SYN2: variants seen among roughly 807,000 people sequenced by gnomAD.
SYN2 encodes the protein synapsin-2.
Under a neutral mutation model 50.9 loss-of-function variants are expected in SYN2, and 19 were observed. The ratio of observed to expected loss-of-function variants is 0.37; its 90% CI spans 0.26 to 0.55. The LOEUF (loss-of-function observed/expected upper bound fraction) is 0.55, where lower values mean the gene tolerates loss of function less well. Ranked by LOEUF, SYN2 falls within the 20% of genes least tolerant of loss-of-function variation. The pLI is 0.81. For missense variants in SYN2, 587 were observed against 576.4 expected (o/e 1.02, Z -0.19); for synonymous variants, 255 against 224.9 (o/e 1.13, Z -1.20).
At chr3:12,113,897 T>C (rs1696376653) in intron 1 of SYN2, among the ~76,000 whole-genome samples, 1 of 152,296 alleles carries the variant, frequency 6.6e-6, no homozygotes, top group Non-Finnish European at 1.5e-5. Flanking sequence ...GTAAATAGTG[T>C]TGCTATGAAC....
chr3:12,013,409 C>T (rs1039264166), intron 1 of SYN2, among the ~76,000 whole-genome samples: 4 of 152,186 alleles, frequency 2.6e-5, no homozygotes, highest in Non-Finnish European at 5.9e-5. Context: ...CATATTCTCC[C>T]TGGTCCATCT....
chr3:12,059,458 C>T (rs1358711909), intron 1 of SYN2, among the ~76,000 whole-genome samples: 2 of 152,088 alleles, frequency 1.3e-5, no homozygotes, highest in Admixed American at 6.6e-5. Context: ...ACTCTGGCTC[C>T]TGGGTGTTAC....
chr3:12,081,755 T>TCGAA (rs1695591129), intron 1 of SYN2, among the ~76,000 whole-genome samples: 1 of 152,194 alleles, frequency 6.6e-6, no homozygotes, highest in Non-Finnish European at 1.5e-5. Flanking sequence ...TTCCCTGTGT[T>TCGAA]CATACTGCTT....
At chr3:12,142,412 C>G (rs1271898834) in intron 3 of SYN2, among the ~76,000 whole-genome samples, 3 of 152,166 alleles carry the variant, frequency 2.0e-5, no homozygotes, top group African/African-American at 7.2e-5. Context: ...CATTGATTTG[C>G]TTAGATTCCC....
intron 1 of SYN2, among the ~76,000 whole-genome samples, chr3:12,075,203 C>A (rs115895758): frequency 0.023 from 3,468 of 152,172 alleles, 147 homozygotes; most frequent in African/African-American, 0.079. Flanking sequence ...TATGGTTGAT[C>A]AGCTTATATG....
chr3:12,069,652 C>T, intron 1 of SYN2, among the ~76,000 whole-genome samples: 1 of 152,082 alleles, frequency 6.6e-6, no homozygotes, highest in East Asian at 1.9e-4. Flanking sequence ...AACTGTATTT[C>T]CAAGTGTACC....
intron 1 of SYN2, among the ~76,000 whole-genome samples, chr3:12,028,774 T>C (rs1353609747): frequency 6.7e-6 from 1 of 148,952 alleles, no homozygotes; most frequent in Admixed American, 6.7e-5. Context: ...TTCTGGATAT[T>C]AGCCCTTTGT....
chr3:12,160,280 TCA>T (rs1173739321), intron 5 of SYN2, among the ~76,000 whole-genome samples: 2 of 152,116 alleles, frequency 1.3e-5, no homozygotes, highest in Non-Finnish European at 2.9e-5. Context: ...TCTCTGGGCC[TCA>T]GTTTTTTCTT....
intron 1 of SYN2, among the ~76,000 whole-genome samples, chr3:12,124,586 G>A (rs1488489521): frequency 6.6e-6 from 1 of 152,094 alleles, no homozygotes; most frequent in Non-Finnish European, 1.5e-5. Context: ...TAAATAAATT[G>A]TGATGTATTC....
chr3:12,108,714 T>C (rs777519103), intron 1 of SYN2, among the ~76,000 whole-genome samples: 20 of 152,176 alleles, frequency 1.3e-4, no homozygotes, highest in Non-Finnish European at 2.8e-4. Context: ...TTCAACCATC[T>C]TCTTTTCTAA....
intron 4 of SYN2, among the ~76,000 whole-genome samples, chr3:12,148,068 C>T (rs529043033): frequency 3.2e-4 from 49 of 152,052 alleles, no homozygotes; most frequent in African/African-American, 1.2e-3. Flanking sequence ...GAGCCAAGAT[C>T]GCACCACTGT....
At chr3:12,110,176 A>G (rs748989242) in intron 1 of SYN2, among the ~76,000 whole-genome samples, 1 of 152,160 alleles carries the variant, frequency 6.6e-6, no homozygotes, top group Non-Finnish European at 1.5e-5. Flanking sequence ...CAACAGAGGG[A>G]GACCCTGTCT....
intron 7 of SYN2, among the ~76,000 whole-genome samples, chr3:12,163,466 C>T (rs1190671977): frequency 6.6e-6 from 1 of 151,720 alleles, no homozygotes; most frequent in African/African-American, 2.4e-5. Flanking sequence ...CCCCTCCCTG[C>T]ACTCCTGTCC....
intron 1 of SYN2, among the ~76,000 whole-genome samples, chr3:12,047,154 A>G (rs927768278): frequency 1.3e-5 from 2 of 152,278 alleles, no homozygotes; most frequent in Non-Finnish European, 2.9e-5. Context: ...GAAAGAGAAG[A>G]ATACTTAATA....
At chr3:12,059,053 A>G (rs1345095325) in intron 1 of SYN2, among the ~76,000 whole-genome samples, 2 of 152,164 alleles carry the variant, frequency 1.3e-5, no homozygotes, top group Non-Finnish European at 2.9e-5. Flanking sequence ...TCTGTTATAG[A>G]ACTGAACTGG....
chr3:12,165,938 G>C (rs12714868), intron 7 of SYN2, among the ~76,000 whole-genome samples: 7,351 of 152,172 alleles, frequency 0.048, 601 homozygotes, highest in African/African-American at 0.17. Flanking sequence ...GTTTGGACTA[G>C]ATATATAATC....
chr3:12,060,961 C>T (rs965738730), intron 1 of SYN2, among the ~76,000 whole-genome samples: 9 of 151,986 alleles, frequency 5.9e-5, no homozygotes, highest in African/African-American at 1.9e-4. Context: ...AAAGTAACTA[C>T]GATTAATATG....
chr3:12,131,096 A>G (rs892304455), intron 1 of SYN2, among the ~76,000 whole-genome samples: 6 of 152,214 alleles, frequency 3.9e-5, no homozygotes, highest in Non-Finnish European at 8.8e-5. Context: ...CTATCTGAGG[A>G]GACAAGTAGG....
chr3:12,158,320 T>C lies in SYN2; in HGVS notation c.775-3226T>C, dbSNP rs141410075. 7.9e-5 allele frequency among the ~76,000 whole-genome samples: 12 copies of C among 152,306 alleles called. No homozygotes were observed. The East Asian group carries it at 2.3e-3, about 29-fold the overall frequency. On this transcript the variant is annotated intron_variant, in intron 5 of 12. Transcript: ENST00000621198. ...AGGGGCTTGGTGGCAACCTCAGTTA[T>C]AGGCCTGGACAGACACGGGTAGTTA...
Sources: allele counts gnomAD v4.1 joint callset (sites outside exome capture counted in the v4.1 genomes callset), GRCh38; gene constraint gnomAD v4.1.1; transcripts MANE v1.5; gene names NCBI Gene and HGNC (gene_info 2026-07-23, HGNC 2026-07-21).